The following SLC17A2 variants were observed in gnomAD, a reference collection of about 807,000 sequenced individuals.
The protein encoded by SLC17A2 is solute carrier family 17 member 2.
A neutral mutation model predicts 52.1 loss-of-function variants in SLC17A2; 38 were observed. That is an observed-to-expected ratio of 0.73 (90% confidence interval 0.56 to 0.96). The LOEUF is 0.96. Ranked by LOEUF, SLC17A2 falls within the 40% of genes least tolerant of loss-of-function variation. SLC17A2 has a pLI of 0.00. For synonymous variants in SLC17A2, 226 were observed against 211.9 expected (o/e 1.07, Z -0.58); for missense variants, 508 against 583.9 (o/e 0.87, Z 1.34).
chr6:25,919,727 A>AAAAAAAAAAAAGAAAAAAAAAAAAAAAG (rs1766478124), intron 5 of SLC17A2, among the ~76,000 whole-genome samples: 1 of 144,204 alleles, frequency 6.9e-6, no homozygotes, highest in Non-Finnish European at 1.5e-5. Flanking sequence ...AAAAAAAAAA[A>AAAAAAAAAAAAGAAAAAAAAAAAAAAAG]GGTTTAGGAA....
intron 6 of SLC17A2, 149 bp downstream of exon 6, chr6:25,918,338 T>A: frequency 1.6e-6 from 1 of 612,356 alleles, no homozygotes; most frequent in Non-Finnish European, 3.0e-6. Context: ...TGTGACTAGA[T>A]TAAAAATGAT....
Position 25,917,049 on chromosome 6 carries a change from C to T in SLC17A2, c.688G>A (p.Val230Met). Residue 230 changes from valine to methionine, a missense_variant, in exon 7 of 12, where the codon GTG (valine) becomes ATG (methionine). Transcript: ENST00000377850. The stretch of plus-strand genomic sequence containing the variant: ...TGATGCATGGGGTCATCATAAATCA[C>T]TGTGAACCATAGGAGACAGCAGACA... Reference protein sequence around the residue: ...GCVCCLLWFTVIYDDPMHHPC... With the variant: ...GCVCCLLWFTMIYDDPMHHPC... 1 of 1,614,154 alleles carries T rather than the reference C, an allele frequency of 6.2e-7. No homozygotes were observed.
chr6:25,920,612 C>G (rs954040098), intron 5 of SLC17A2, among the ~76,000 whole-genome samples: 8 of 152,208 alleles, frequency 5.3e-5, no homozygotes, highest in Non-Finnish European at 7.3e-5. Context: ...AGCCTGATTT[C>G]TCTCCTTACC....
chr6:25,921,065 A>G lies in SLC17A2; in HGVS notation c.503T>C (p.Ile168Thr), dbSNP rs1554138645. ...AAGTGGAGGAGCCCACTTTGCCCAA[A>G]TAGTAAACTGACCTGTCCATGCCAT... ...QGMAWTGQFT[I>T]WAKWAPPLER... is the part of the protein sequence containing the mutation. The change falls in exon 5 of 12, where the codon ATT (isoleucine) becomes ACT (threonine). Residue 168 changes from isoleucine (I) to threonine (T), a missense_variant. By Grantham distance (89) the Ile-to-Thr change is moderately conservative. Transcript: ENST00000377850. The G allele has an allele frequency of 6.2e-7, 1 of 1,614,224 alleles. No homozygotes were observed. The highest frequency in any genetic ancestry group is 1.1e-5 in the South Asian group (1 of 91,080).
chr6:25,915,081 T>A (rs936715552), intron 10 of SLC17A2, among the ~76,000 whole-genome samples: 2 of 147,346 alleles, frequency 1.4e-5, no homozygotes, highest in African/African-American at 5.0e-5. Context: ...GCCTACCTAA[T>A]ATAACTGTGA....
At chr6:25,916,359 G>A (rs1766317369) in intron 8 of SLC17A2, among the ~76,000 whole-genome samples, 2 of 152,142 alleles carry the variant, frequency 1.3e-5, no homozygotes, top group African/African-American at 4.8e-5. Context: ...GGAATTACAG[G>A]CATGAGCCAC....
In SLC17A2 at chr6:25,913,241, A is replaced by G; in HGVS notation, c.*76T>C. 1 of 1,506,270 alleles carries G rather than the reference A, an allele frequency of 6.6e-7. No homozygotes were observed. The highest frequency in any genetic ancestry group is 9.2e-7 in the Non-Finnish European group (1 of 1,083,210). The allele number at this position is 1,506,270 out of a possible 1,614,324, so 93.3% of individuals were successfully genotyped here. On this transcript the variant is annotated 3_prime_UTR_variant, in exon 12 of 12. Coordinates refer to ENST00000377850, the MANE Select transcript of SLC17A2 (RefSeq NM_001286123.3). The stretch of plus-strand genomic sequence containing the variant: ...GTTAAGAACTGCTGAGTCTATGGTC[A>G]GGAATATGGAGAGAAGTAAAAAATG...
At chr6:25,914,390 C>A (rs1381042079) in intron 11 of SLC17A2, among the ~76,000 whole-genome samples, 190 bp downstream of exon 11, 1 of 152,192 alleles carries the variant, frequency 6.6e-6, no homozygotes, top group African/African-American at 2.4e-5. Context: ...ATCAATCTAA[C>A]ATCTATTCAT....
intron 1 of SLC17A2, among the ~76,000 whole-genome samples, chr6:25,930,045 T>C (rs573207145): frequency 6.6e-6 from 1 of 152,320 alleles, no homozygotes; most frequent in South Asian, 2.1e-4. Flanking sequence ...CTCAAACTCC[T>C]GACCTCAAGT....
At chr6:25,921,839 A>G (rs956944040) in intron 3 of SLC17A2, among the ~76,000 whole-genome samples, 7 of 152,266 alleles carry the variant, frequency 4.6e-5, no homozygotes, top group African/African-American at 1.7e-4. Context: ...AGAAAAGTCA[A>G]GTTTGGGAAT....
intron 9 of SLC17A2, 21 bp downstream of exon 9, chr6:25,915,715 G>T: frequency 6.2e-7 from 1 of 1,613,366 alleles, no homozygotes; most frequent in South Asian, 1.1e-5. Context: ...TGGTTAAATG[G>T]GCCCACACGC....
In SLC17A2 at chr6:25,917,089, T is replaced by C. The variant is rs1766355375; in HGVS notation, c.650-2A>G. 1 of 1,610,662 alleles carries C rather than the reference T, an allele frequency of 6.2e-7. No homozygotes were observed. Among genetic ancestry groups the C allele is most frequent in the Non-Finnish European group, 8.5e-7 (1 of 1,176,960 alleles). ...GACAGCAGACACAGCCAGTGCTACC[T>C]GGGAAGAAGGGATAAAATTAGTTTT... On this transcript the variant is annotated splice_acceptor_variant, in intron 6 of 11. Transcript: ENST00000377850. LOFTEE classifies it high-confidence loss of function.
At chr6:25,923,575 C>G (rs529154917) in intron 3 of SLC17A2, 120 bp downstream of exon 3, 1 of 744,972 alleles carries the variant, frequency 1.3e-6, no homozygotes, top group African/African-American at 1.8e-5. Context: ...AAAAATAGTT[C>G]CAGTCAGTTT....
chr6:25,927,207 T>C (rs531974960), intron 1 of SLC17A2, among the ~76,000 whole-genome samples: 2 of 152,328 alleles, frequency 1.3e-5, no homozygotes, highest in African/African-American at 4.8e-5. Context: ...TGAAGGATTA[T>C]AAAGAAAGGC....
intron 7 of SLC17A2, 58 bp downstream of exon 7, chr6:25,916,911 T>A (rs370378494): frequency 1.2e-6 from 2 of 1,608,214 alleles, no homozygotes; most frequent in South Asian, 2.2e-5. Flanking sequence ...TCAGAGGAGA[T>A]CCACACCCTG....
At chr6:25,926,749 A>G (rs1766778537) in intron 1 of SLC17A2, among the ~76,000 whole-genome samples, 1 of 152,286 alleles carries the variant, frequency 6.6e-6, no homozygotes, top group East Asian at 1.9e-4. Flanking sequence ...CCTTCAAGAC[A>G]TCTGAAATTT....
rs1024236172 is a variant in SLC17A2, at chr6:25,913,754, T to C, written c.1303-303A>G. 2.1e-4 allele frequency among the ~76,000 whole-genome samples: 31 copies of C among 150,038 alleles called. 1 individual carries two copies. The highest frequency in any genetic ancestry group is 4.3e-4 in the Non-Finnish European group (29 of 67,864). On this transcript the variant is annotated intron_variant, in intron 11 of 11. Transcript: ENST00000377850. ...TTATGCCTAAAATGGCATTGTGGCA[T>C]TGTGTTTGTGTCTTCTCTGTTTTTT...
intron 11 of SLC17A2, 160 bp downstream of exon 11, chr6:25,914,420 A>G (rs1766222033): frequency 1.6e-6 from 1 of 607,236 alleles, no homozygotes; most frequent in Non-Finnish European, 3.0e-6. Flanking sequence ...ATAAGCTTAT[A>G]TTTTTCTTCC....
intron 3 of SLC17A2, among the ~76,000 whole-genome samples, chr6:25,922,458 T>A (rs1766595885): frequency 1.3e-5 from 2 of 152,218 alleles, no homozygotes; most frequent in Non-Finnish European, 2.9e-5. Flanking sequence ...ATAGCAGATG[T>A]GAGTGTGCTG....
Sources: allele counts gnomAD v4.1 joint callset (sites outside exome capture counted in the v4.1 genomes callset), GRCh38; gene constraint gnomAD v4.1.1; transcripts MANE v1.5; gene names NCBI Gene and HGNC (gene_info 2026-07-23, HGNC 2026-07-21).